The following MTFR1 variants were observed in gnomAD, a reference collection of about 807,000 sequenced individuals.
MTFR1 encodes chondrocyte protein with a poly-proline region.
A neutral mutation model predicts 38.8 loss-of-function variants in MTFR1; 28 were observed. The ratio of observed to expected loss-of-function variants is 0.72; its 90% CI spans 0.53 to 0.99. The LOEUF (loss-of-function observed/expected upper bound fraction) is 0.99, where lower values mean the gene tolerates loss of function less well. Ranked by LOEUF, MTFR1 falls within the 50% of genes least tolerant of loss-of-function variation. The pLI is 0.00. For synonymous variants in MTFR1, 145 were observed against 137.0 expected (o/e 1.06, Z -0.41); for missense variants, 358 against 395.5 (o/e 0.91, Z 0.81).
chr8:65,695,129 C>T lies in MTFR1; in HGVS notation c.281+1370C>T, dbSNP rs545886708. 2.6e-5 allele frequency among the ~76,000 whole-genome samples: 4 copies of T among 152,072 alleles called. No homozygotes were observed. The South Asian group carries it at 8.3e-4, about 32-fold the overall frequency. On this transcript the variant is annotated intron_variant, in intron 4 of 7. Transcript: ENST00000262146. The stretch of plus-strand genomic sequence containing the variant: ...AAACAGTATGAAGAATAGAAAAGAG[C>T]CAGACCAAGAAATAGACCAACTAGG...
intron 1 of MTFR1, among the ~76,000 whole-genome samples, chr8:65,668,446 C>T (rs370827764): frequency 1.3e-5 from 2 of 151,278 alleles, no homozygotes; most frequent in African/African-American, 4.9e-5. Flanking sequence ...CCTCAGCCCC[C>T]CAAAATGCTG....
At chr8:65,750,288 T>G (rs1320531033) in intron 3 of MTFR1, among the ~76,000 whole-genome samples, 1 of 152,202 alleles carries the variant, frequency 6.6e-6, no homozygotes, top group East Asian at 1.9e-4. Flanking sequence ...GCAGAATACT[T>G]GTACTGTATT....
chr8:65,770,119 TTCTGTGTGTGTGTGTGTG>T (rs1809007773), intron 3 of MTFR1, among the ~76,000 whole-genome samples: 1 of 120,514 alleles, frequency 8.3e-6, no homozygotes, highest in African/African-American at 3.5e-5. Context: ...TGCAGTATAC[TTCTGTGTGTGTGTGTGTG>T]TGTGTGTGTG....
intron 1 of MTFR1, among the ~76,000 whole-genome samples, chr8:65,658,514 A>G (rs1809326979): frequency 6.6e-6 from 1 of 152,120 alleles, no homozygotes; most frequent in Non-Finnish European, 1.5e-5. Context: ...TTAATTTGCT[A>G]TTTCTTATAC....
intron 3 of MTFR1, among the ~76,000 whole-genome samples, chr8:65,760,241 A>G (rs1808427223): frequency 6.6e-6 from 1 of 152,236 alleles, no homozygotes; most frequent in African/African-American, 2.4e-5. Flanking sequence ...CCTCAAAACA[A>G]AACAAAACAA....
intron 3 of MTFR1, among the ~76,000 whole-genome samples, chr8:65,736,578 C>CTTG (rs768171946): frequency 5.2e-4 from 79 of 152,002 alleles, no homozygotes; most frequent in South Asian, 2.1e-3. Flanking sequence ...TTAGCAAGAC[C>CTTG]TTGTCCCTAC....
At chr8:65,724,144 A>G in intron 3 of MTFR1, 1 of 629,810 alleles carries the variant, frequency 1.6e-6, no homozygotes, top group Non-Finnish European at 2.8e-6. Context: ...GTTACTAAAA[A>G]TGTCAAGACT....
At chr8:65,669,769 A>G (rs1195619406) in intron 1 of MTFR1, 104 bp from the exon 2 acceptor site, 3 of 569,630 alleles carry the variant, frequency 5.3e-6, no homozygotes, top group South Asian at 2.3e-5. Context: ...CAGGCTGCAC[A>G]TGAAGTTTTA....
At position 65,693,628 on chromosome 8, in the gene MTFR1, T is replaced by C. The variant is rs1805347236; in HGVS notation, c.166-16T>C. The C allele has an allele frequency of 6.2e-7, 1 of 1,606,194 alleles. No individual in the cohort carries two copies. The highest frequency in any genetic ancestry group is 1.3e-5 in the African/African-American group (1 of 74,764). On this transcript the variant is annotated splice_polypyrimidine_tract_variant and intron_variant, in intron 3 of 7. Transcript: ENST00000262146. ...GCCATCTTTGGTGAAGAACTTTCCC[T>C]ATTTATAACTTACAGATTAACAGCC...
At chr8:65,683,085 T>C (rs938609203) in intron 3 of MTFR1, 32 of 203,584 alleles carry the variant, frequency 1.6e-4, no homozygotes, top group Non-Finnish European at 1.2e-4. Context: ...ACTCTTTGCT[T>C]GGAGATATTG....
At chr8:65,649,426 C>A (rs1809056611) in intron 1 of MTFR1, among the ~76,000 whole-genome samples, 1 of 152,130 alleles carries the variant, frequency 6.6e-6, no homozygotes, top group African/African-American at 2.4e-5. Flanking sequence ...CTCAGGTGAT[C>A]CACCGCCTCA....
At chr8:65,767,035 A>G (rs533742671) in intron 3 of MTFR1, among the ~76,000 whole-genome samples, 17 of 146,426 alleles carry the variant, frequency 1.2e-4, no homozygotes, top group African/African-American at 2.1e-4. Flanking sequence ...CAACAACAAC[A>G]ACGCCTGGAC....
chr8:65,741,041 TGGAAAAA>T (rs1807406202), intron 3 of MTFR1, among the ~76,000 whole-genome samples: 3 of 152,248 alleles, frequency 2.0e-5, no homozygotes, highest in Admixed American at 6.5e-5. Flanking sequence ...AAATTAAATT[TGGAAAAA>T]CTACCATTTT....
chr8:65,696,984 CTTTT>C (rs572196375), intron 4 of MTFR1, among the ~76,000 whole-genome samples: 3 of 111,202 alleles, frequency 2.7e-5, no homozygotes, highest in Non-Finnish European at 1.8e-5. Context: ...TTGGGACTGG[CTTTT>C]TTTTTTTTTT....
Position 65,725,028 on chromosome 8 carries a change from ATCCAACT to A in MTFR1, c.*48+5548_*48+5554del, listed in dbSNP as rs1806552731. ...GGAAGGCTTTATAGAACCCTAAAATATCCAACTATCATTCAATTTAAAATTTATCACA... is the reference window on the plus strand; with the variant it reads ...GGAAGGCTTTATAGAACCCTAAAATAATCATTCAATTTAAAATTTATCACA... On this transcript the variant is annotated intron_variant, in intron 3 of 3. Transcript: ENST00000521247. 7.4e-6 allele frequency: 4 copies of A among 537,064 alleles called. No homozygotes were observed. In the East Asian group the frequency reaches 1.3e-4, roughly 18 times the overall value. 33.3% of individuals were successfully genotyped at this position (537,064 alleles called of 1,614,324 possible). A position where few individuals can be genotyped will look rare whatever the true frequency, so the allele number is the denominator to read the frequency against.
chr8:65,693,865 G>C, intron 4 of MTFR1, 106 bp downstream of exon 4: 1 of 794,420 alleles, frequency 1.3e-6, no homozygotes, highest in South Asian at 1.6e-5. Context: ...CTCTAGTAAT[G>C]CACCCTCTTC....
At chr8:65,719,730 T>C in intron 3 of MTFR1, 1 of 530,732 alleles carries the variant, frequency 1.9e-6, no homozygotes, top group Non-Finnish European at 3.4e-6. Context: ...CTGACAAATA[T>C]ATCTAACCTT....
chr8:65,771,158 G>A, exon 4 of MTFR1: 1 of 211,104 alleles, frequency 4.7e-6, no homozygotes, highest in Non-Finnish European at 9.9e-6. Flanking sequence ...CTCCTTAACT[G>A]GTCAGGTATC....
At chr8:65,689,545 T>G in intron 3 of MTFR1, 1 of 1,254,520 alleles carries the variant, frequency 8.0e-7, no homozygotes, top group Non-Finnish European at 1.0e-6. Context: ...CACTTTTTTT[T>G]TCTTTTTCCA....
Sources: gnomAD v4.1 joint callset for allele counts (sites outside exome capture counted in the v4.1 genomes callset) on GRCh38, gnomAD v4.1.1 for gene constraint, MANE v1.5 for transcripts, NCBI Gene and HGNC (gene_info 2026-07-23, HGNC 2026-07-21) for gene names.